NR5A2: variants seen among roughly 807,000 people sequenced by gnomAD.
The protein encoded by NR5A2 is CYP7A promoter-binding factor.
NR5A2 carries 26 observed loss-of-function variants against 62.7 expected under a neutral mutation model. The observed-to-expected ratio is 0.41, with a 90% CI of 0.30 to 0.58. The LOEUF is 0.58. Among genes scored for constraint, NR5A2 ranks in the 20% least tolerant of loss-of-function variants. NR5A2 has a pLI of 0.22. For synonymous variants in NR5A2, 246 were observed against 241.7 expected, an observed-to-expected ratio of 1.02 and a Z score of -0.16; for missense variants, 541 against 669.1, an observed-to-expected ratio of 0.81 and a Z score of 2.11.
chr1:200,123,601 G>A (rs1243170571), intron 7 of NR5A2, among the ~76,000 whole-genome samples: 1 of 152,140 alleles, frequency 6.6e-6, no homozygotes, highest in African/African-American at 2.4e-5. Flanking sequence ...AGACAATTAG[G>A]AAGTATAGCA....
chr1:200,134,174 G>T (rs1000213172), intron 7 of NR5A2, among the ~76,000 whole-genome samples: 6 of 152,112 alleles, frequency 3.9e-5, no homozygotes, highest in Non-Finnish European at 8.8e-5. Flanking sequence ...GTAAGCTATG[G>T]TTAATTTATT....
intron 1 of NR5A2, among the ~76,000 whole-genome samples, chr1:200,036,905 A>G (rs3790849): frequency 0.1 from 15,685 of 152,274 alleles, 855 homozygotes; most frequent in Non-Finnish European, 0.13. Context: ...CCTCCGTGAT[A>G]CAAGCTCCTG....
At position 200,147,211 on chromosome 1, in the gene NR5A2, C is replaced by T. The variant is rs910549597; in HGVS notation, c.1378+26256C>T. Among the ~76,000 whole-genome samples, 13 of 152,336 alleles carry T rather than the reference C, an allele frequency of 8.5e-5. No homozygotes were observed. Among genetic ancestry groups the T allele is most frequent in the African/African-American group, 2.9e-4 (12 of 41,578 alleles). The stretch of plus-strand genomic sequence containing the variant: ...TTCACGCAAAAAATAGAGGGGGGCA[C>T]CTCGCTGAAGCCAGCGAGGCCGCTG... On this transcript the variant is annotated intron_variant, in intron 7 of 7. Coordinates refer to ENST00000367362, the MANE Select transcript of NR5A2 (RefSeq NM_205860.3). The surrounding 1 kb of genome is among the most constrained non-coding windows in gnomAD (Gnocchi z 4.9).
rs556289402 is a variant in NR5A2 at position 200,095,247 on chromosome 1, G to A, written c.1111-15955G>A. ...CCCTCCCACATCAGCCTCCTGAGTA[G>A]CTGGGACTATAGGCATGTGCCATCA... On this transcript the variant is annotated intron_variant, in intron 5 of 7. Coordinates refer to ENST00000367362, the MANE Select transcript of NR5A2 (RefSeq NM_205860.3). Among the ~76,000 whole-genome samples the A allele has an allele frequency of 2.0e-5, 3 of 152,172 alleles. No individual in the cohort carries two copies. The South Asian group carries it at 6.2e-4, about 32-fold the overall frequency.
At chr1:200,027,965 T>C (rs1031792823) in intron 1 of NR5A2, 54 bp downstream of exon 1, 7 of 1,232,848 alleles carry the variant, frequency 5.7e-6, no homozygotes, top group Non-Finnish European at 8.0e-6. Context: ...TACATACATA[T>C]AATTTAATCT....
At chr1:200,156,114 G>T (rs866484210) in intron 7 of NR5A2, among the ~76,000 whole-genome samples, 6 of 152,176 alleles carry the variant, frequency 3.9e-5, no homozygotes, top group African/African-American at 1.2e-4. Flanking sequence ...GCCACCATGG[G>T]GGTCATGTGA....
intron 5 of NR5A2, among the ~76,000 whole-genome samples, chr1:200,096,159 C>T (rs754605761): frequency 1.3e-5 from 2 of 152,134 alleles, no homozygotes; most frequent in Non-Finnish European, 2.9e-5. Flanking sequence ...ACTATCTTAG[C>T]TCATGGCAAC....
intron 4 of NR5A2, among the ~76,000 whole-genome samples, chr1:200,047,309 T>C (rs1662412860): frequency 6.6e-6 from 1 of 152,240 alleles, no homozygotes; most frequent in African/African-American, 2.4e-5. Flanking sequence ...TCATCTGATG[T>C]GGGCTCATCA....
rs116178331 is a variant in NR5A2 at position 200,159,797 on chromosome 1, G to A, written c.1379-14166G>A. Among the ~76,000 whole-genome samples the A allele has an allele frequency of 9.5e-4, 144 of 151,770 alleles. 1 individual carries two copies. In the East Asian group the frequency reaches 0.015, roughly 16 times the overall value. ...CTTCCAAGTAGCTGGAATTACAGGCGCGAGCCACCAGCACCCGGCTAATTT... is the reference window on the plus strand; with the variant it reads ...CTTCCAAGTAGCTGGAATTACAGGCACGAGCCACCAGCACCCGGCTAATTT... On this transcript the variant is annotated intron_variant, in intron 7 of 7. Coordinates refer to ENST00000367362, the MANE Select transcript of NR5A2 (RefSeq NM_205860.3).
intron 6 of NR5A2, among the ~76,000 whole-genome samples, chr1:200,117,775 G>T (rs758144257): frequency 1.3e-5 from 2 of 151,450 alleles, no homozygotes; most frequent in Non-Finnish European, 2.9e-5. Context: ...GTGCAATGGC[G>T]CAATCTCGGC....
At chr1:200,070,771 A>G (rs896059173) in intron 5 of NR5A2, among the ~76,000 whole-genome samples, 3 of 140,070 alleles carry the variant, frequency 2.1e-5, no homozygotes. Context: ...CCCACCAAAT[A>G]TATACACAAA....
chr1:200,115,668 C>T (rs1239365593), intron 6 of NR5A2, among the ~76,000 whole-genome samples: 1 of 152,060 alleles, frequency 6.6e-6, no homozygotes, highest in Admixed American at 6.6e-5. Context: ...TTAATGACTG[C>T]CCTTTGCATA....
chr1:200,083,804 T>C (rs552595374), intron 5 of NR5A2, among the ~76,000 whole-genome samples: 1 of 151,742 alleles, frequency 6.6e-6, no homozygotes, highest in African/African-American at 2.4e-5. Flanking sequence ...CCGTCTCTAC[T>C]AAAATACAAC....
At chr1:200,122,760 C>T (rs1208934910) in intron 7 of NR5A2, among the ~76,000 whole-genome samples, 1 of 152,162 alleles carries the variant, frequency 6.6e-6, no homozygotes, top group Non-Finnish European at 1.5e-5. Context: ...AAATCCATGT[C>T]TATTTGTTGC....
At chr1:200,050,841 G>A (rs1330764974) in intron 5 of NR5A2, among the ~76,000 whole-genome samples, 2 of 152,194 alleles carry the variant, frequency 1.3e-5, no homozygotes, top group African/African-American at 4.8e-5. Flanking sequence ...GCGGTGAGCC[G>A]AGATCTTGCC....
intron 7 of NR5A2, among the ~76,000 whole-genome samples, chr1:200,134,471 A>C (rs566791649): frequency 6.6e-6 from 1 of 152,356 alleles, no homozygotes; most frequent in South Asian, 2.1e-4. Context: ...TATTCAGTAC[A>C]GTGACACGCT....
intron 5 of NR5A2, among the ~76,000 whole-genome samples, chr1:200,068,498 AAGGCTTCTTGCC>A (rs1211000603): frequency 7.9e-5 from 12 of 152,208 alleles, no homozygotes; most frequent in African/African-American, 2.9e-4. Context: ...TGAAGTTGAA[AAGGCTTCTTGCC>A]AGTTTACTTA....
intron 2 of NR5A2, among the ~76,000 whole-genome samples, chr1:200,041,846 G>C (rs747978757): frequency 3.0e-4 from 46 of 152,286 alleles, no homozygotes; most frequent in Non-Finnish European, 3.5e-4. Flanking sequence ...GGGTCCCCGA[G>C]GTAGGCACGG....
At chr1:200,053,763 G>A (rs1299225983) in intron 5 of NR5A2, among the ~76,000 whole-genome samples, 3 of 152,168 alleles carry the variant, frequency 2.0e-5, no homozygotes, top group African/African-American at 4.8e-5. Flanking sequence ...ATGACCCCGT[G>A]GGAGTGAATG....
Sources: gnomAD v4.1 joint callset for allele counts (sites outside exome capture counted in the v4.1 genomes callset) on GRCh38, gnomAD v4.1.1 for gene constraint, Gnocchi (gnomAD v3.1) non-coding constraint, MANE v1.5 for transcripts, NCBI Gene and HGNC (gene_info 2026-07-23, HGNC 2026-07-21) for gene names.